The following SPTAN1 variants were observed in gnomAD, a reference collection of about 807,000 sequenced individuals.
SPTAN1 encodes the protein spectrin alpha chain, non-erythrocytic 1.
In SPTAN1, 61 loss-of-function variants were observed where a neutral mutation model predicts 331.3. That is an observed-to-expected ratio of 0.18 (90% CI 0.15 to 0.23). The LOEUF is 0.23. SPTAN1 is among the 10% of genes least tolerant of loss of function. The pLI is 1.00. For synonymous variants in SPTAN1, 1,153 were observed against 1,173.9 expected, an observed-to-expected ratio of 0.98 and a Z score of 0.36; for missense variants, 2,043 against 3,147.9, an observed-to-expected ratio of 0.65 and a Z score of 8.40.
chr9:128,631,252 GTT>G (rs1323114373), intron 52 of SPTAN1, among the ~76,000 whole-genome samples: 1 of 149,712 alleles, frequency 6.7e-6, no homozygotes, highest in Non-Finnish European at 1.5e-5. Context: ...GAAGTCAGGA[GTT>G]CGAGACCAGC....
chr9:128,561,136 G>A (rs902814877), intron 1 of SPTAN1, among the ~76,000 whole-genome samples: 1 of 151,830 alleles, frequency 6.6e-6, no homozygotes, highest in African/African-American at 2.4e-5. Context: ...TTGGGAGGCC[G>A]AGGCGGGCGG....
At chr9:128,593,381 C>G (rs1316744596) in intron 23 of SPTAN1, 1 of 364,784 alleles carries the variant, frequency 2.7e-6, no homozygotes, top group African/African-American at 2.1e-5. Flanking sequence ...AAATCATATG[C>G]TTCTCTTAAA....
chr9:128,558,171 T>G (rs908465789), intron 1 of SPTAN1, among the ~76,000 whole-genome samples: 1 of 152,230 alleles, frequency 6.6e-6, no homozygotes, highest in Non-Finnish European at 1.5e-5. Context: ...TCTGGTAGTA[T>G]TGTAAGAATG....
At chr9:128,562,342 C>T (rs1247732680) in intron 1 of SPTAN1, among the ~76,000 whole-genome samples, 2 of 152,046 alleles carry the variant, frequency 1.3e-5, no homozygotes, top group Non-Finnish European at 2.9e-5. Context: ...ACCTTGTGAT[C>T]CACCTGCCTC....
intron 45 of SPTAN1, chr9:128,621,667 G>A (rs1857873904): frequency 2.0e-5 from 6 of 307,316 alleles, no homozygotes; most frequent in South Asian, 1.9e-4. Context: ...CTCTCCACAG[G>A]TTTAGAGCTA....
Position 128,625,250 on chromosome 9 carries a change from C to A in SPTAN1, c.6069+71C>A. On this transcript the variant is annotated intron_variant, in intron 47 of 56. Transcript: ENST00000372739. This position sits in a 1 kb window ranked among gnomAD's most constrained non-coding sequence, Gnocchi z 4.1. ...CTGTGAGATGACTGGTGGCGTCTTT[C>A]ACTGAGGCATTTATCTTCTGTTAGC... 1 of 1,461,338 alleles carries A rather than the reference C, an allele frequency of 6.8e-7. No individual in the cohort carries two copies. The highest frequency in any genetic ancestry group is 9.6e-7 in the Non-Finnish European group (1 of 1,044,482). The allele number at this position is 1,461,338 out of a possible 1,614,324, so 90.5% of individuals were successfully genotyped here. A position where few individuals can be genotyped will look rare whatever the true frequency, so the allele number is the denominator to read the frequency against.
chr9:128,561,657 C>T (rs866187540), intron 1 of SPTAN1, among the ~76,000 whole-genome samples: 4 of 5,870 alleles, frequency 6.8e-4, no homozygotes, highest in Non-Finnish European at 9.6e-4. Flanking sequence ...AGCGAGACTC[C>T]GTCTCAAAAA....
intron 44 of SPTAN1, among the ~76,000 whole-genome samples, chr9:128,619,419 G>T (rs946861303): frequency 1.3e-5 from 2 of 152,234 alleles, no homozygotes; most frequent in Non-Finnish European, 2.9e-5. Context: ...AAATCAAGAA[G>T]CAGGCAGGAC....
chr9:128,613,589 T>C, intron 40 of SPTAN1, 104 bp downstream of exon 40: 1 of 932,518 alleles, frequency 1.1e-6, no homozygotes, highest in South Asian at 1.4e-5. Flanking sequence ...CTTCTTTCAC[T>C]TAAAGCAGCC....
intron 34 of SPTAN1, 88 bp downstream of exon 34, chr9:128,608,364 A>C: frequency 7.3e-6 from 11 of 1,513,152 alleles, no homozygotes; most frequent in Non-Finnish European, 1.0e-5. Context: ...TTATATCTCC[A>C]AGGAATACCT....
intron 15 of SPTAN1, 26 bp from the exon 16 acceptor site, chr9:128,583,762 A>G (rs1852231395): frequency 2.5e-6 from 4 of 1,613,836 alleles, no homozygotes; most frequent in Non-Finnish European, 3.4e-6. Flanking sequence ...TAAGCAGTAC[A>G]AAATTAAACT....
intron 1 of SPTAN1, among the ~76,000 whole-genome samples, chr9:128,559,981 C>T (rs952322930): frequency 1.3e-5 from 2 of 152,010 alleles, no homozygotes; most frequent in East Asian, 1.9e-4. Flanking sequence ...GTGATCCACC[C>T]GCCTTGGCCT....
chr9:128,629,074 C>G lies in SPTAN1; in HGVS notation c.6707+1132C>G, dbSNP rs1246719513. The G allele has an allele frequency of 2.5e-6, 1 of 398,654 alleles. No individual in the cohort carries two copies. The highest frequency in any genetic ancestry group is 2.1e-5 in the African/African-American group (1 of 48,644). The allele number at this position is 398,654 out of a possible 1,614,324, so 24.7% of individuals were successfully genotyped here. ...TTGTGTGTGTCTGTTGCAGTGTGCT[C>G]TTGCCTCCCCTCCCTTTGGTGTATT... On this transcript the variant is annotated intron_variant, in intron 51 of 56. Transcript: ENST00000372739. This position sits in a 1 kb window ranked among gnomAD's most constrained non-coding sequence, Gnocchi z 4.9.
intron 3 of SPTAN1, among the ~76,000 whole-genome samples, chr9:128,570,182 T>C (rs1480433073): frequency 6.6e-6 from 1 of 151,738 alleles, no homozygotes; most frequent in Non-Finnish European, 1.5e-5. Context: ...GTAACCAGCT[T>C]ACAGATGGGG....
chr9:128,591,791 A>T (rs1303599496), intron 22 of SPTAN1, among the ~76,000 whole-genome samples, 166 bp downstream of exon 22: 1 of 151,878 alleles, frequency 6.6e-6, no homozygotes, highest in African/African-American at 2.4e-5. Context: ...TGGGTCTCAG[A>T]CCCCTGACTG....
chr9:128,611,651 T>TC, intron 37 of SPTAN1, 63 bp from the exon 38 acceptor site: 1 of 1,600,886 alleles, frequency 6.2e-7, no homozygotes, highest in Non-Finnish European at 8.5e-7. Flanking sequence ...GAGAACCCCT[T>TC]CCCCCTGAAA....
intron 19 of SPTAN1, among the ~76,000 whole-genome samples, 182 bp from the exon 20 acceptor site, chr9:128,587,424 C>T (rs943618329): frequency 7.2e-5 from 11 of 152,062 alleles, no homozygotes; most frequent in South Asian, 2.1e-4. Context: ...TATGATTGTC[C>T]CAAAAGATGA....
chr9:128,597,542 A>G (rs752055865), intron 24 of SPTAN1, among the ~76,000 whole-genome samples: 53 of 152,206 alleles, frequency 3.5e-4, no homozygotes, highest in Non-Finnish European at 6.5e-4. Flanking sequence ...AAAAAACTAC[A>G]GTTAATGAAG....
intron 15 of SPTAN1, 115 bp from the exon 16 acceptor site, chr9:128,583,668 TAAGTG>T: frequency 5.6e-6 from 6 of 1,072,794 alleles, no homozygotes; most frequent in Non-Finnish European, 8.4e-6. Flanking sequence ...CTTTGTGACA[TAAGTG>T]AAGGAATAAA....
Sources: gnomAD v4.1 joint callset for allele counts (sites outside exome capture counted in the v4.1 genomes callset) on GRCh38, gnomAD v4.1.1 for gene constraint, Gnocchi (gnomAD v3.1) non-coding constraint, MANE v1.5 for transcripts, NCBI Gene and HGNC (gene_info 2026-07-23, HGNC 2026-07-21) for gene names.